CFAP44: variants seen among roughly 807,000 people sequenced by gnomAD.
CFAP44 encodes the protein cilia- and flagella-associated protein 44.
A neutral mutation model predicts 216.2 loss-of-function variants in CFAP44; 134 were observed. The observed-to-expected ratio is 0.62, with a 90% CI of 0.54 to 0.72. The LOEUF is 0.72. Ranked by LOEUF, CFAP44 falls within the 30% of genes least tolerant of loss-of-function variation. The pLI, the probability that CFAP44 is intolerant of heterozygous loss-of-function variation, is 0.00. For synonymous variants in CFAP44, 700 were observed against 727.6 expected, an observed-to-expected ratio of 0.96 and a Z score of 0.61; for missense variants, 2,035 against 2,182.1, an observed-to-expected ratio of 0.93 and a Z score of 1.34.
chr3:113,409,787 T>C (rs1266966877), intron 6 of CFAP44, among the ~76,000 whole-genome samples: 1 of 152,128 alleles, frequency 6.6e-6, no homozygotes, highest in African/African-American at 2.4e-5. Context: ...ATGTGGTAAA[T>C]ATGCTGGCCA....
chr3:113,418,114 C>T (rs193186565), intron 5 of CFAP44, among the ~76,000 whole-genome samples: 1 of 150,278 alleles, frequency 6.7e-6, no homozygotes, highest in African/African-American at 2.5e-5. Context: ...TATTGAGACT[C>T]TGTCACTCTG....
intron 6 of CFAP44, among the ~76,000 whole-genome samples, chr3:113,411,494 C>T (rs931984312): frequency 6.6e-6 from 1 of 152,244 alleles, no homozygotes; most frequent in African/African-American, 2.4e-5. Flanking sequence ...TGTTCTGCTC[C>T]ATTGGTCTAT....
chr3:113,336,006 A>G (rs1950279256), intron 24 of CFAP44, among the ~76,000 whole-genome samples: 1 of 152,206 alleles, frequency 6.6e-6, no homozygotes, highest in African/African-American at 2.4e-5. Flanking sequence ...TATTAGAAAT[A>G]CTTTGGACTA....
chr3:113,365,295 C>G (rs1313517311), intron 19 of CFAP44, among the ~76,000 whole-genome samples: 1 of 152,158 alleles, frequency 6.6e-6, no homozygotes, highest in Non-Finnish European at 1.5e-5. Flanking sequence ...CTCATATCTT[C>G]CCTACATTCT....
chr3:113,320,423 A>ATATATATGATATATGTGATATATG lies in CFAP44; in HGVS notation c.4516+6021_4516+6022insCATATATCACATATATCATATATA, dbSNP rs1559910286. Among the ~76,000 whole-genome samples the ATATATATGATATATGTGATATATG allele has an allele frequency of 8.4e-3, 1,157 of 137,784 alleles. 18 individuals are homozygous for ATATATATGATATATGTGATATATG. The highest frequency in any genetic ancestry group is 0.029 in the African/African-American group (1,108 of 37,824). 90.4% of individuals were successfully genotyped at this position (137,784 alleles called of 152,430 possible). A position where few individuals can be genotyped will look rare whatever the true frequency, so the allele number is the denominator to read the frequency against. On this transcript the variant is annotated intron_variant, in intron 28 of 34. Transcript: ENST00000393845. ...GAGCAGATATATACATGATATATATATGATATATATTGATATATATGATAT... is the reference window on the plus strand; with the variant it reads ...GAGCAGATATATACATGATATATATATATATATGATATATGTGATATATGTGATATATATTGATATATATGATAT...
chr3:113,436,211 CTA>C (rs1269411036), intron 1 of CFAP44, among the ~76,000 whole-genome samples: 1 of 151,686 alleles, frequency 6.6e-6, no homozygotes, highest in Non-Finnish European at 1.5e-5. Flanking sequence ...GACTTGCTTT[CTA>C]TGTTACTCTA....
chr3:113,358,966 A>G, intron 21 of CFAP44, 91 bp from the exon 22 acceptor site: 1 of 1,396,480 alleles, frequency 7.2e-7, no homozygotes. Context: ...ATGCTGCATC[A>G]TAACTCTTCC....
At chr3:113,401,394 A>G in intron 10 of CFAP44, 107 bp from the exon 11 acceptor site, 1 of 1,211,412 alleles carries the variant, frequency 8.3e-7, no homozygotes. Flanking sequence ...TAATATCAAA[A>G]GCTCACATAT....
intron 28 of CFAP44, among the ~76,000 whole-genome samples, chr3:113,310,423 G>A (rs374064859): frequency 1.3e-5 from 2 of 152,224 alleles, no homozygotes; most frequent in African/African-American, 4.8e-5. Context: ...GGGTGACAAT[G>A]AAGTCTGAAT....
chr3:113,305,772 A>G (rs980198715), intron 30 of CFAP44, among the ~76,000 whole-genome samples: 1 of 152,214 alleles, frequency 6.6e-6, no homozygotes. Flanking sequence ...ACCCCAGATG[A>G]TCAACAAAAT....
In CFAP44 at chr3:113,420,161, GTCATAAC is replaced by G; in HGVS notation, c.419_425del (p.Gly140AlafsTer19). The G allele has an allele frequency of 6.2e-7, 1 of 1,611,746 alleles. No homozygotes were observed. The highest frequency in any genetic ancestry group is 8.5e-7 in the Non-Finnish European group (1 of 1,178,878). On this transcript the variant is annotated frameshift_variant, in exon 5 of 35. Coordinates refer to ENST00000393845, the MANE Select transcript of CFAP44 (RefSeq NM_001164496.2). LOFTEE classifies it high-confidence loss of function. ...GTTGTAGGTTGGCTCGCTTTCTACA[GTCATAAC>G]CAAAAGAATGTCTGAGGGAAAGTTG...
At chr3:113,318,914 G>T (rs1287131776) in intron 28 of CFAP44, among the ~76,000 whole-genome samples, 2 of 151,474 alleles carry the variant, frequency 1.3e-5, no homozygotes, top group South Asian at 4.2e-4. Context: ...TCTTACAAGA[G>T]GTCCTTAAGG....
intron 13 of CFAP44, among the ~76,000 whole-genome samples, chr3:113,398,709 C>T (rs1015846185): frequency 6.6e-6 from 1 of 152,160 alleles, no homozygotes; most frequent in African/African-American, 2.4e-5. Flanking sequence ...TCATGAAATT[C>T]CCCCTAATTC....
intron 21 of CFAP44, among the ~76,000 whole-genome samples, chr3:113,360,036 T>C (rs1405322335): frequency 6.6e-6 from 1 of 151,858 alleles, no homozygotes; most frequent in Non-Finnish European, 1.5e-5. Flanking sequence ...CAATAAGAGT[T>C]GATAACCAGA....
At chr3:113,293,768 C>T (rs1214446336) in intron 34 of CFAP44, among the ~76,000 whole-genome samples, 1 of 152,236 alleles carries the variant, frequency 6.6e-6, no homozygotes, top group African/African-American at 2.4e-5. Flanking sequence ...CTTCCCAATC[C>T]TCCTAATTCA....
intron 18 of CFAP44, among the ~76,000 whole-genome samples, chr3:113,372,012 A>G (rs995601763): frequency 1.3e-5 from 2 of 152,240 alleles, no homozygotes; most frequent in African/African-American, 2.4e-5. Flanking sequence ...AGAAATACAA[A>G]TCAAAACCAC....
chr3:113,318,824 A>G (rs558222081), intron 28 of CFAP44, among the ~76,000 whole-genome samples: 2 of 152,266 alleles, frequency 1.3e-5, no homozygotes, highest in South Asian at 4.1e-4. Context: ...ACATCCTGCC[A>G]TACTGTTTCA....
chr3:113,288,084 G>A lies in CFAP44; in HGVS notation c.*3473C>T, dbSNP rs1364126141. The A allele has an allele frequency of 1.3e-5, 2 of 152,166 alleles. No individual in the cohort carries two copies. The highest frequency in any genetic ancestry group is 2.4e-5 in the African/African-American group (1 of 41,434). The allele number at this position is 152,166 out of a possible 1,614,324, so 9.4% of individuals were successfully genotyped here. ...TTGTGTTTTGGGGCTGGAGAGGGTG[G>A]GGGGAGCCTGTATTTTCTAGATTTC... On this transcript the variant is annotated 3_prime_UTR_variant, in exon 35 of 35. Coordinates refer to ENST00000393845, the MANE Select transcript of CFAP44 (RefSeq NM_001164496.2).
chr3:113,404,128 A>C (rs959552881), intron 8 of CFAP44, 112 bp from the exon 9 acceptor site: 5 of 1,241,410 alleles, frequency 4.0e-6, no homozygotes, highest in East Asian at 2.8e-5. Flanking sequence ...TTGATTATAA[A>C]ATTTTTAAAT....
Sources: gnomAD v4.1 joint callset for allele counts (sites outside exome capture counted in the v4.1 genomes callset) on GRCh38, gnomAD v4.1.1 for gene constraint, MANE v1.5 for transcripts, NCBI Gene and HGNC (gene_info 2026-07-23, HGNC 2026-07-21) for gene names.